AUTS2: variants seen among roughly 807,000 people sequenced by gnomAD.
AUTS2 encodes autism susceptibility gene 2 protein.
AUTS2 carries 17 observed loss-of-function variants against 112.4 expected under a neutral mutation model. The ratio of observed to expected loss-of-function variants is 0.15; its 90% CI spans 0.10 to 0.23. The LOEUF is 0.23. Among genes scored for constraint, AUTS2 ranks in the 10% least tolerant of loss-of-function variants. AUTS2 has a pLI of 1.00. For synonymous variants in AUTS2, 751 were observed against 702.7 expected (o/e 1.07, Z -1.09); for missense variants, 1,510 against 1,701.6 (o/e 0.89, Z 1.98).
intron 1 of AUTS2, among the ~76,000 whole-genome samples, chr7:69,857,676 G>T (rs537111317): frequency 6.6e-6 from 1 of 152,088 alleles, no homozygotes; most frequent in Non-Finnish European, 1.5e-5. Context: ...AATTAAATTC[G>T]TACTTTTGGA....
chr7:70,568,895 T>C (rs752804225), intron 5 of AUTS2, among the ~76,000 whole-genome samples: 2 of 152,228 alleles, frequency 1.3e-5, no homozygotes, highest in Non-Finnish European at 1.5e-5. Flanking sequence ...TCTGTGGCTG[T>C]TGACAAATTT....
chr7:69,774,726 CA>C (rs1788819487), intron 1 of AUTS2, among the ~76,000 whole-genome samples: 2 of 152,170 alleles, frequency 1.3e-5, no homozygotes, highest in Non-Finnish European at 2.9e-5. Context: ...GTACTTAGAG[CA>C]GGTACTTTTA....
intron 1 of AUTS2, among the ~76,000 whole-genome samples, chr7:69,629,045 G>A (rs555356811): frequency 6.6e-6 from 1 of 152,252 alleles, no homozygotes; most frequent in South Asian, 2.1e-4. Flanking sequence ...GTGCATTTTG[G>A]GAAGTATCGT....
intron 3 of AUTS2, among the ~76,000 whole-genome samples, chr7:70,120,721 G>A (rs1805639085): frequency 6.6e-6 from 1 of 152,066 alleles, no homozygotes; most frequent in African/African-American, 2.4e-5. Flanking sequence ...ATTGACAAAA[G>A]ACATTCCATA....
chr7:70,671,122 A>T (rs1430195557), intron 5 of AUTS2, among the ~76,000 whole-genome samples: 3 of 151,932 alleles, frequency 2.0e-5, no homozygotes, highest in East Asian at 3.9e-4. Flanking sequence ...ACACGGAGGT[A>T]GCAGTGAGCC....
chr7:70,121,722 T>C (rs1008346833), intron 3 of AUTS2, among the ~76,000 whole-genome samples: 1 of 152,162 alleles, frequency 6.6e-6, no homozygotes, highest in African/African-American at 2.4e-5. Flanking sequence ...TATTCATACA[T>C]TACTGGTGGG....
chr7:70,786,705 G>A (rs938291121), intron 17 of AUTS2, among the ~76,000 whole-genome samples: 6 of 152,116 alleles, frequency 3.9e-5, no homozygotes, highest in Admixed American at 1.3e-4. Context: ...TGAGCATACC[G>A]TCACAGGTCG....
At chr7:69,702,299 A>G (rs1030748776) in intron 1 of AUTS2, among the ~76,000 whole-genome samples, 2 of 152,224 alleles carry the variant, frequency 1.3e-5, no homozygotes, top group Admixed American at 1.3e-4. Flanking sequence ...AAACACAAAT[A>G]AAAGGGCTGT....
intron 1 of AUTS2, among the ~76,000 whole-genome samples, chr7:69,702,384 A>G (rs1191759987): frequency 2.0e-5 from 3 of 152,234 alleles, no homozygotes; most frequent in Non-Finnish European, 4.4e-5. Context: ...GAAGGAAGGA[A>G]AATGAATGAC....
At chr7:70,402,923 C>G (rs1395980767) in intron 4 of AUTS2, among the ~76,000 whole-genome samples, 2 of 152,200 alleles carry the variant, frequency 1.3e-5, no homozygotes, top group Non-Finnish European at 2.9e-5. Context: ...CAAAGAGACA[C>G]TGCTGTTTTC....
rs1808926915 is a variant in AUTS2, at chr7:70,694,211, A to C, written c.691-4358A>C. On this transcript the variant is annotated intron_variant, in intron 5 of 18. Transcript: ENST00000342771. The surrounding 1 kb of genome is among the most constrained non-coding windows in gnomAD (Gnocchi z 4.1). Reference sequence around the variant, plus strand: ...CACTTGAGCTGTGAACCGGCGGGAGAGGCAGGCGCCCGCAAGCCGAGCGCG... The same window carrying C: ...CACTTGAGCTGTGAACCGGCGGGAGCGGCAGGCGCCCGCAAGCCGAGCGCG... 6.8e-6 allele frequency: 1 copy of C among 147,684 alleles called. No individual in the cohort carries two copies. 9.1% of individuals were successfully genotyped at this position (147,684 alleles called of 1,614,324 possible).
At chr7:70,525,192 C>G (rs1352938940) in intron 5 of AUTS2, among the ~76,000 whole-genome samples, 2 of 152,242 alleles carry the variant, frequency 1.3e-5, no homozygotes, top group Non-Finnish European at 2.9e-5. Context: ...ACGCCTTCAG[C>G]TCCTCTGCAG....
intron 4 of AUTS2, among the ~76,000 whole-genome samples, chr7:70,204,489 G>A (rs1291958061): frequency 6.6e-6 from 1 of 152,052 alleles, no homozygotes; most frequent in African/African-American, 2.4e-5. Context: ...TGTTTTGTCG[G>A]GGGGTGGGGA....
chr7:69,721,966 G>A (rs962353315), intron 1 of AUTS2, among the ~76,000 whole-genome samples: 1 of 152,118 alleles, frequency 6.6e-6, no homozygotes, highest in African/African-American at 2.4e-5. Flanking sequence ...GATCTGATTG[G>A]TAAAGTTATT....
intron 1 of AUTS2, among the ~76,000 whole-genome samples, chr7:69,664,204 A>G (rs1795929521): frequency 6.6e-6 from 1 of 152,230 alleles, no homozygotes; most frequent in Admixed American, 6.5e-5. Context: ...GAAGCACAGC[A>G]CATGGCATCA....
intron 2 of AUTS2, among the ~76,000 whole-genome samples, chr7:70,029,221 G>GC (rs1216987462): frequency 6.7e-6 from 1 of 150,176 alleles, no homozygotes; most frequent in African/African-American, 2.5e-5. Flanking sequence ...TCAGAGCAGT[G>GC]CCAGACACAC....
At chr7:70,312,185 A>G (rs1458281887) in intron 4 of AUTS2, among the ~76,000 whole-genome samples, 1 of 152,218 alleles carries the variant, frequency 6.6e-6, no homozygotes, top group African/African-American at 2.4e-5. Flanking sequence ...GAATCAAAAT[A>G]AGAAAGTTAC....
At chr7:70,124,086 G>A (rs1260144340) in intron 3 of AUTS2, among the ~76,000 whole-genome samples, 2 of 152,040 alleles carry the variant, frequency 1.3e-5, no homozygotes, top group Non-Finnish European at 2.9e-5. Flanking sequence ...TTTTTGATTT[G>A]CATTTCTCTG....
chr7:70,141,125 C>T (rs1175293213), intron 4 of AUTS2, among the ~76,000 whole-genome samples: 3 of 152,130 alleles, frequency 2.0e-5, no homozygotes, highest in African/African-American at 7.2e-5. Context: ...AAGGGTGGAA[C>T]AAGTTTGAGG....
Sources: gnomAD v4.1 joint callset for allele counts (sites outside exome capture counted in the v4.1 genomes callset) on GRCh38, gnomAD v4.1.1 for gene constraint, Gnocchi (gnomAD v3.1) non-coding constraint, MANE v1.5 for transcripts, NCBI Gene and HGNC (gene_info 2026-07-23, HGNC 2026-07-21) for gene names.